Variants in TICRR observed in about 807,000 individuals in gnomAD.
TICRR encodes treslin.
Under a neutral mutation model 178.1 loss-of-function variants are expected in TICRR, and 132 were observed. The ratio of observed to expected loss-of-function variants is 0.74; its 90% CI spans 0.64 to 0.86. The LOEUF (loss-of-function observed/expected upper bound fraction) is 0.86, where lower values mean the gene tolerates loss of function less well. TICRR is among the 40% of genes least tolerant of loss of function. The pLI is 0.00. For synonymous variants in TICRR, 991 were observed against 900.7 expected, an observed-to-expected ratio of 1.10 and a Z score of -1.79; for missense variants, 2,587 against 2,334.3, an observed-to-expected ratio of 1.11 and a Z score of -2.23.
At chr15:89,602,372 A>T (rs555194768) in intron 12 of TICRR, among the ~76,000 whole-genome samples, 231 of 152,300 alleles carry the variant, frequency 1.5e-3, no homozygotes, top group African/African-American at 5.1e-3. Flanking sequence ...TTGATCTGTA[A>T]TGCCAATATC....
chr15:89,602,106 C>G, intron 12 of TICRR, 130 bp downstream of exon 12: 1 of 1,088,218 alleles, frequency 9.2e-7, no homozygotes, highest in Non-Finnish European at 1.3e-6. Context: ...ATGTCTGAAT[C>G]AGAGAAGCCA....
chr15:89,576,351 T>A, intron 1 of TICRR, 111 bp downstream of exon 1: 1 of 1,003,434 alleles, frequency 1.0e-6, no homozygotes, highest in Non-Finnish European at 1.4e-6. Flanking sequence ...CTAATATGAC[T>A]ATGCGTCCCT....
intron 4 of TICRR, among the ~76,000 whole-genome samples, chr15:89,590,729 G>A (rs376123096): frequency 4.6e-5 from 7 of 152,284 alleles, no homozygotes; most frequent in South Asian, 2.1e-4. Context: ...TCACAAGAGT[G>A]GATCTACTCT....
chr15:89,576,813 GTGTGTGTGTATATATA>G (rs1229933992), intron 1 of TICRR, among the ~76,000 whole-genome samples: 5 of 8,884 alleles, frequency 5.6e-4, no homozygotes, highest in African/African-American at 8.3e-4. Context: ...GTGTGTGTAT[GTGTGTGTGTATATATA>G]TATATATATA....
At chr15:89,615,976 C>T (rs1963329344) in intron 15 of TICRR, among the ~76,000 whole-genome samples, 1 of 151,896 alleles carries the variant, frequency 6.6e-6, no homozygotes, top group Admixed American at 6.6e-5. Context: ...CCTCTGCCTC[C>T]TGGGTTCAAG....
intron 13 of TICRR, among the ~76,000 whole-genome samples, chr15:89,604,454 T>C (rs1963144634): frequency 6.6e-6 from 1 of 152,208 alleles, no homozygotes; most frequent in Admixed American, 6.5e-5. Flanking sequence ...GGTTTTAGAT[T>C]GGACAAGACA....
intron 15 of TICRR, among the ~76,000 whole-genome samples, chr15:89,615,429 TA>T (rs1280362115): frequency 6.6e-6 from 1 of 152,230 alleles, no homozygotes; most frequent in African/African-American, 2.4e-5. Context: ...ACCGTAGGGC[TA>T]GGGGGAAGGG....
Position 89,576,898 on chromosome 15 carries a change from C to CAT in TICRR, c.654+667_654+668dup, listed in dbSNP as rs1198526996. Among the ~76,000 whole-genome samples, 5 of 135,376 alleles carry CAT rather than the reference C, an allele frequency of 3.7e-5. No individual in the cohort carries two copies. The East Asian group carries it at 9.0e-4, about 24-fold the overall frequency. The allele number at this position is 135,376 out of a possible 152,430, so 88.8% of individuals were successfully genotyped here. On this transcript the variant is annotated intron_variant, in intron 1 of 21. Coordinates refer to ENST00000268138, the MANE Select transcript of TICRR (RefSeq NM_152259.4). ...ATATATATACACATTTATTTATATA[C>CAT]ATATATATATTTATTTATTATTATT... is the stretch of plus-strand genomic sequence containing the variant.
Position 89,601,392 on chromosome 15 carries a change from G to T in TICRR, c.2247+1G>T. On this transcript the variant is annotated splice_donor_variant, in intron 10 of 21. Coordinates refer to ENST00000268138, the MANE Select transcript of TICRR (RefSeq NM_152259.4). LOFTEE classifies it high-confidence loss of function. Reference sequence around the variant, plus strand: ...TGATATGGAACAAGTAGTGGAGGAGGCAAGTATATAGTTTCGTGCCATTGA... The same window carrying T: ...TGATATGGAACAAGTAGTGGAGGAGTCAAGTATATAGTTTCGTGCCATTGA... The T allele has an allele frequency of 6.2e-7, 1 of 1,613,954 alleles. No individual in the cohort carries two copies. The highest frequency in any genetic ancestry group is 8.5e-7 in the Non-Finnish European group (1 of 1,179,866).
intron 15 of TICRR, among the ~76,000 whole-genome samples, chr15:89,615,222 G>T (rs1033850132): frequency 1.1e-4 from 16 of 152,292 alleles, no homozygotes; most frequent in African/African-American, 3.4e-4. Flanking sequence ...GGTTTACACT[G>T]TATGAGTTCT....
At chr15:89,626,723 C>T (rs771562870) in intron 21 of TICRR, among the ~76,000 whole-genome samples, 10 of 152,158 alleles carry the variant, frequency 6.6e-5, no homozygotes, top group Non-Finnish European at 1.5e-4. Context: ...ATTCAAACCA[C>T]AGGTACTTTG....
At chr15:89,613,535 T>G (rs1963285222) in intron 15 of TICRR, among the ~76,000 whole-genome samples, 1 of 152,178 alleles carries the variant, frequency 6.6e-6, no homozygotes, top group Non-Finnish European at 1.5e-5. Flanking sequence ...CCTTCTGGAC[T>G]TCCGGTATGT....
rs1163281374 is a variant in TICRR at position 89,624,484 on chromosome 15, A to T, written c.4174A>T (p.Arg1392Ter). ...GKRCRKTSDP[R>*]RSIVECQPDA... ...ACGGTGTAGAAAGACCTCTGATCCC[A>T]GAAGGAGCATCGTGGAGTGTCAGCC... The change falls in exon 20 of 22, where the codon AGA becomes TGA. Residue 1392 changes from arginine to a stop codon, truncating the protein, a stop_gained. Coordinates refer to ENST00000268138, the MANE Select transcript of TICRR (RefSeq NM_152259.4). LOFTEE classifies it high-confidence loss of function. The T allele has an allele frequency of 6.2e-7, 1 of 1,614,156 alleles. No individual in the cohort carries two copies. The highest frequency in any genetic ancestry group is 8.5e-7 in the Non-Finnish European group (1 of 1,180,032).
At chr15:89,618,006 A>G (rs1293494616) in intron 16 of TICRR, 146 bp from the exon 17 acceptor site, 1 of 818,328 alleles carries the variant, frequency 1.2e-6, no homozygotes, top group East Asian at 2.5e-5. Context: ...TCTTGACAAT[A>G]ATCACGTATG....
At chr15:89,618,425 A>C (rs1258895998) in intron 17 of TICRR, among the ~76,000 whole-genome samples, 1 of 152,232 alleles carries the variant, frequency 6.6e-6, no homozygotes, top group Non-Finnish European at 1.5e-5. Flanking sequence ...TGCACAACAG[A>C]TATGAAATTC....
At chr15:89,623,540 A>G in intron 19 of TICRR, 83 bp from the exon 20 acceptor site, 1 of 1,350,744 alleles carries the variant, frequency 7.4e-7, no homozygotes, top group Non-Finnish European at 1.0e-6. Flanking sequence ...TAAATCTCCC[A>G]TTTGGTCTTA....
Position 89,585,873 on chromosome 15 carries a change from C to A in TICRR, c.1342C>A (p.Leu448Ile), listed in dbSNP as rs139386417. The A allele has an allele frequency of 2.4e-4, 389 of 1,614,150 alleles. 4 individuals are homozygous for A. In the East Asian group the frequency reaches 8.1e-3, roughly 34 times the overall value. Residue 448 changes from leucine to isoleucine, a missense_variant, in exon 4 of 22, where the codon CTT (leucine) becomes ATT (isoleucine). By Grantham distance (5) the Leu-to-Ile change is conservative. Coordinates refer to ENST00000268138, the MANE Select transcript of TICRR (RefSeq NM_152259.4). ...TGACAGCCCCCGGGACACAGCTTCC[C>A]TTTTCTCAGATGTTGTGGATAGTAT... ...VADSPRDTAS[L>I]FSDVVDSILN...
At chr15:89,618,828 A>C (rs906059043) in intron 17 of TICRR, among the ~76,000 whole-genome samples, 1 of 152,196 alleles carries the variant, frequency 6.6e-6, no homozygotes, top group Non-Finnish European at 1.5e-5. Flanking sequence ...TCATGTTGGC[A>C]TACTCCTATG....
chr15:89,578,082 G>T (rs1026028663), intron 1 of TICRR, among the ~76,000 whole-genome samples: 1 of 152,140 alleles, frequency 6.6e-6, no homozygotes, highest in African/African-American at 2.4e-5. Context: ...TAGGCAAGGG[G>T]AGCAGTGTGA....
Sources: gnomAD v4.1 joint callset for allele counts (sites outside exome capture counted in the v4.1 genomes callset) on GRCh38, gnomAD v4.1.1 for gene constraint, MANE v1.5 for transcripts, NCBI Gene and HGNC (gene_info 2026-07-23, HGNC 2026-07-21) for gene names.